The following CCDC171 variants were observed in gnomAD, a reference collection of about 807,000 sequenced individuals.
CCDC171 encodes coiled-coil domain-containing protein 171.
CCDC171 carries 177 observed loss-of-function variants against 168.2 expected under a neutral mutation model. That is an observed-to-expected ratio of 1.05 (90% CI 0.93 to 1.19). CCDC171 has a LOEUF of 1.19. Ranked by LOEUF, CCDC171 falls within the 50% of genes most tolerant of loss-of-function variation. CCDC171 has a pLI of 0.00. For missense variants in CCDC171, 1,991 were observed against 1,539.0 expected (o/e 1.29, Z -4.91); for synonymous variants, 687 against 540.8 (o/e 1.27, Z -3.75).
chr9:15,646,636 G>C (rs1361245865), intron 7 of CCDC171, among the ~76,000 whole-genome samples: 1 of 127,654 alleles, frequency 7.8e-6, no homozygotes, highest in Non-Finnish European at 1.8e-5. Flanking sequence ...AACCAACAAA[G>C]ATCAAAAGAG....
intron 25 of CCDC171, among the ~76,000 whole-genome samples, chr9:15,954,215 G>A (rs1301926239): frequency 7.1e-6 from 1 of 141,100 alleles, no homozygotes; most frequent in Non-Finnish European, 1.5e-5. Flanking sequence ...CCTTCCTTCT[G>A]CTAGCTTTCA....
chr9:15,623,235 C>G, intron 6 of CCDC171, 32 bp from the exon 7 acceptor site: 1 of 1,523,182 alleles, frequency 6.6e-7, no homozygotes, highest in Non-Finnish European at 8.9e-7. Context: ...GGCTTATAAA[C>G]TTTATTGATG....
Position 15,619,644 on chromosome 9 carries a change from A to G in CCDC171, c.676-3623A>G, listed in dbSNP as rs1019290337. Among the ~76,000 whole-genome samples, 4 of 152,258 alleles carry G rather than the reference A, an allele frequency of 2.6e-5. No homozygotes were observed. In the East Asian group the frequency reaches 5.8e-4, roughly 22 times the overall value. Reference sequence around the variant, plus strand: ...TGCAAGGTGAAACAAGTGCTTATGTAGAAGCTGCAGCAAGTAATCCCAAAG... The same window carrying G: ...TGCAAGGTGAAACAAGTGCTTATGTGGAAGCTGCAGCAAGTAATCCCAAAG... On this transcript the variant is annotated intron_variant, in intron 6 of 25. Transcript: ENST00000380701.
chr9:16,013,042 C>T (rs1221033776), intron 3 of CCDC171, among the ~76,000 whole-genome samples: 1 of 152,180 alleles, frequency 6.6e-6, no homozygotes, highest in Non-Finnish European at 1.5e-5. Flanking sequence ...CACCTTCACC[C>T]ATCAGATCTG....
chr9:15,737,799 A>C (rs753254797), intron 16 of CCDC171, among the ~76,000 whole-genome samples: 8 of 152,170 alleles, frequency 5.3e-5, no homozygotes, highest in Non-Finnish European at 1.2e-4. Flanking sequence ...TGTGTGTATG[A>C]AGACTAGATA....
At chr9:15,562,015 G>A (rs1488762216) in intron 1 of CCDC171, among the ~76,000 whole-genome samples, 1 of 151,278 alleles carries the variant, frequency 6.6e-6, no homozygotes, top group Non-Finnish European at 1.5e-5. Flanking sequence ...TTTTTTTTAA[G>A]ATGGAGTCTT....
At position 15,744,508 on chromosome 9, in the gene CCDC171, T is replaced by C. The variant is rs147879468; in HGVS notation, c.2285T>C (p.Phe762Ser). ...TTTCTCCAGGAGCAGGTCAACACCT[T>C]TGAGTTGTTCAAACTGGAAATTAGA... ...RDFLQEQVNTFELFKLEIRTL... is the reference protein window; with the variant it reads ...RDFLQEQVNTSELFKLEIRTL... The change falls in exon 17 of 26, where the codon TTT becomes TCT. Residue 762 changes from phenylalanine (F) to serine (S), a missense_variant. Transcript: ENST00000380701. The C allele has an allele frequency of 4.3e-6, 7 of 1,614,090 alleles. No homozygotes were observed. The highest frequency in any genetic ancestry group is 2.7e-5 in the African/African-American group (2 of 74,932).
chr9:15,839,339 T>C (rs1295549256), intron 21 of CCDC171, among the ~76,000 whole-genome samples: 1 of 152,154 alleles, frequency 6.6e-6, no homozygotes, highest in African/African-American at 2.4e-5. Flanking sequence ...TACATTTCCA[T>C]GGTGATTTCC....
intron 24 of CCDC171, among the ~76,000 whole-genome samples, chr9:15,896,259 G>T (rs1820882826): frequency 6.6e-6 from 1 of 151,926 alleles, no homozygotes; most frequent in East Asian, 1.9e-4. Context: ...ATATGCCATG[G>T]TTGAGTGGAA....
At chr9:15,803,473 T>G (rs1299553989) in intron 21 of CCDC171, among the ~76,000 whole-genome samples, 1 of 152,166 alleles carries the variant, frequency 6.6e-6, no homozygotes, top group African/African-American at 2.4e-5. Context: ...TTCAATTTTC[T>G]GCATATGGCT....
chr9:15,809,544 G>A (rs966965165), intron 21 of CCDC171, among the ~76,000 whole-genome samples: 1 of 152,014 alleles, frequency 6.6e-6, no homozygotes, highest in Non-Finnish European at 1.5e-5. Flanking sequence ...TCGTGGTCTC[G>A]CTGACTTCAG....
chr9:16,064,720 G>T (rs932608198), downstream of CCDC171, among the ~76,000 whole-genome samples: 5 of 152,208 alleles, frequency 3.3e-5, no homozygotes, highest in African/African-American at 9.7e-5. Flanking sequence ...TAGCAGAGTA[G>T]TTACGCCACT....
chr9:15,742,578 C>T (rs2054954408), intron 16 of CCDC171, among the ~76,000 whole-genome samples: 1 of 152,178 alleles, frequency 6.6e-6, no homozygotes, highest in African/African-American at 2.4e-5. Flanking sequence ...TCTCAGAGTT[C>T]CTTGCTTCTT....
chr9:15,854,740 C>T (rs1191013086), intron 23 of CCDC171, among the ~76,000 whole-genome samples: 1 of 151,578 alleles, frequency 6.6e-6, no homozygotes, highest in Non-Finnish European at 1.5e-5. Flanking sequence ...CTATAGATTT[C>T]TGTCTGATGC....
chr9:15,881,294 C>T (rs925128570), intron 24 of CCDC171, among the ~76,000 whole-genome samples: 1 of 152,044 alleles, frequency 6.6e-6, no homozygotes, highest in African/African-American at 2.4e-5. Context: ...TACTAAGGTG[C>T]GTAGAAGAAC....
At chr9:15,956,278 A>G (rs887921707) in intron 25 of CCDC171, among the ~76,000 whole-genome samples, 5 of 152,170 alleles carry the variant, frequency 3.3e-5, no homozygotes, top group Non-Finnish European at 1.5e-5. Context: ...ATAGTGGGAA[A>G]TATCTGCTGG....
chr9:15,746,980 A>G (rs1320236729), intron 18 of CCDC171, among the ~76,000 whole-genome samples: 1 of 152,154 alleles, frequency 6.6e-6, no homozygotes, highest in Non-Finnish European at 1.5e-5. Context: ...TCCCATGCCC[A>G]CAGAGCCCAG....
the CCDC171 span, among the ~76,000 whole-genome samples, chr9:16,100,268 G>A: frequency 2.1e-3 from 320 of 152,230 alleles, 3 homozygotes; most frequent in Middle Eastern, 6.8e-3. Context: ...TTCTAATAAT[G>A]CATTGACTGG....
intron 21 of CCDC171, among the ~76,000 whole-genome samples, chr9:15,793,562 T>TG: frequency 8.4e-6 from 1 of 119,204 alleles, no homozygotes; most frequent in Admixed American, 8.3e-5. Context: ...TTTTTTTTTT[T>TG]TTTTTTTTTT....
Sources: allele counts gnomAD v4.1 joint callset (sites outside exome capture counted in the v4.1 genomes callset), GRCh38; gene constraint gnomAD v4.1.1; transcripts MANE v1.5; gene names NCBI Gene and HGNC (gene_info 2026-07-23, HGNC 2026-07-21).